ATP8A2: variants seen among roughly 807,000 people sequenced by gnomAD.
ATP8A2 encodes phospholipid-transporting ATPase IB.
Under a neutral mutation model 165.6 loss-of-function variants are expected in ATP8A2, and 100 were observed. The observed-to-expected ratio is 0.60, with a 90% CI of 0.51 to 0.71. The LOEUF is 0.71. Among genes scored for constraint, ATP8A2 ranks in the 30% least tolerant of loss-of-function variants. ATP8A2 has a pLI of 0.00. For missense variants in ATP8A2, 1,227 were observed against 1,479.5 expected (o/e 0.83, Z 2.80); for synonymous variants, 543 against 548.8 (o/e 0.99, Z 0.15).
At chr13:25,526,350 C>T (rs1181642193) in intron 2 of ATP8A2, among the ~76,000 whole-genome samples, 1 of 152,124 alleles carries the variant, frequency 6.6e-6, no homozygotes, top group Non-Finnish European at 1.5e-5. Flanking sequence ...CTGTTTGCTG[C>T]TGTCACTTAT....
At chr13:25,444,136 C>G (rs1454120509) in intron 1 of ATP8A2, among the ~76,000 whole-genome samples, 1 of 152,194 alleles carries the variant, frequency 6.6e-6, no homozygotes, top group African/African-American at 2.4e-5. Flanking sequence ...TCTGATTTTT[C>G]TCATCCATAG....
intron 15 of ATP8A2, among the ~76,000 whole-genome samples, chr13:25,561,128 G>C (rs1393243476): frequency 6.6e-6 from 1 of 152,064 alleles, no homozygotes; most frequent in Non-Finnish European, 1.5e-5. Context: ...CTCGTGATCT[G>C]CCTGTCTCGG....
chr13:25,980,127 C>T (rs1432033959), intron 35 of ATP8A2, among the ~76,000 whole-genome samples: 3 of 152,180 alleles, frequency 2.0e-5, no homozygotes, highest in Admixed American at 2.0e-4. Flanking sequence ...CAAGACCTGT[C>T]TGTTGTGACT....
At chr13:25,858,224 T>G (rs1952228950) in intron 30 of ATP8A2, among the ~76,000 whole-genome samples, 1 of 152,244 alleles carries the variant, frequency 6.6e-6, no homozygotes, top group Non-Finnish European at 1.5e-5. Context: ...CAATTTTGAG[T>G]AACTATTTGC....
At chr13:25,405,499 G>A (rs987802772) in intron 1 of ATP8A2, among the ~76,000 whole-genome samples, 2 of 152,138 alleles carry the variant, frequency 1.3e-5, no homozygotes, top group African/African-American at 4.8e-5. Context: ...CTCCCAGCAG[G>A]TGTATCCTCC....
intron 33 of ATP8A2, among the ~76,000 whole-genome samples, chr13:25,865,340 G>A (rs945854799): frequency 6.6e-6 from 1 of 152,148 alleles, no homozygotes; most frequent in Non-Finnish European, 1.5e-5. Context: ...CTAAACAGTA[G>A]GTTTTTGGCA....
chr13:25,828,476 T>G (rs1951375782), intron 28 of ATP8A2, among the ~76,000 whole-genome samples: 1 of 152,224 alleles, frequency 6.6e-6, no homozygotes, highest in South Asian at 2.1e-4. Context: ...TACATGCCTG[T>G]GCAACACTTT....
rs186731487 is a variant in ATP8A2 at position 25,563,042 on chromosome 13, G to A, written c.1398-914G>A. ...TGGTTACTGTTTTCTGTGCTGTTACGTATTTCAAGTTAAGACTAACATACA... is the reference window on the plus strand; with the variant it reads ...TGGTTACTGTTTTCTGTGCTGTTACATATTTCAAGTTAAGACTAACATACA... On this transcript the variant is annotated intron_variant, in intron 15 of 36. Coordinates refer to ENST00000381655, the MANE Select transcript of ATP8A2 (RefSeq NM_016529.6). Among the ~76,000 whole-genome samples, 300 of 152,268 alleles carry A rather than the reference G, an allele frequency of 2.0e-3. 2 individuals are homozygous for A. The highest frequency in any genetic ancestry group is 6.3e-3 in the African/African-American group (262 of 41,542).
At chr13:25,673,601 C>G (rs1374648586) in intron 24 of ATP8A2, among the ~76,000 whole-genome samples, 1 of 152,200 alleles carries the variant, frequency 6.6e-6, no homozygotes, top group Non-Finnish European at 1.5e-5. Flanking sequence ...CCTGTCTACG[C>G]TGACTCGTTT....
intron 27 of ATP8A2, among the ~76,000 whole-genome samples, chr13:25,802,279 A>G (rs1388463751): frequency 1.3e-5 from 2 of 152,178 alleles, no homozygotes; most frequent in Non-Finnish European, 2.9e-5. Flanking sequence ...ATTGAGGCTC[A>G]GTTTCTATAC....
intron 33 of ATP8A2, among the ~76,000 whole-genome samples, chr13:25,879,568 G>A (rs1208829022): frequency 6.6e-6 from 1 of 152,196 alleles, no homozygotes; most frequent in African/African-American, 2.4e-5. Flanking sequence ...GCCACCACTG[G>A]ATGTGCACCT....
intron 2 of ATP8A2, among the ~76,000 whole-genome samples, chr13:25,490,230 G>A (rs12869665): frequency 0.27 from 41,772 of 152,208 alleles, 6,846 homozygotes; most frequent in Middle Eastern, 0.4. Context: ...AGAGTTACGG[G>A]AGAGAAACTC....
At chr13:25,497,861 C>G (rs2036726727) in intron 2 of ATP8A2, among the ~76,000 whole-genome samples, 1 of 151,988 alleles carries the variant, frequency 6.6e-6, no homozygotes, top group African/African-American at 2.4e-5. Context: ...ACTCGGGGGG[C>G]TGAGGCAGGA....
At chr13:25,787,739 G>A (rs549292164) in intron 27 of ATP8A2, among the ~76,000 whole-genome samples, 6 of 152,298 alleles carry the variant, frequency 3.9e-5, no homozygotes, top group East Asian at 1.9e-4. Flanking sequence ...GGGCCTCTCC[G>A]GCATAGGTGT....
At chr13:25,405,156 C>T (rs1323273941) in intron 1 of ATP8A2, among the ~76,000 whole-genome samples, 2 of 152,040 alleles carry the variant, frequency 1.3e-5, no homozygotes, top group Non-Finnish European at 2.9e-5. Context: ...TTGATGAGAG[C>T]AGCTCCCTGG....
At chr13:25,868,051 C>T in intron 33 of ATP8A2, 1 of 450,926 alleles carries the variant, frequency 2.2e-6, no homozygotes, top group Non-Finnish European at 4.5e-6. Flanking sequence ...TTCCTGTGTG[C>T]TGCCCGGCCT....
intron 1 of ATP8A2, among the ~76,000 whole-genome samples, chr13:25,394,558 G>C (rs543653074): frequency 7.9e-5 from 12 of 152,324 alleles, no homozygotes. Context: ...GGAGGCGGCA[G>C]AGACCAATTG....
chr13:25,662,394 A>G (rs117909288), intron 24 of ATP8A2, among the ~76,000 whole-genome samples: 3 of 152,304 alleles, frequency 2.0e-5, no homozygotes, highest in Non-Finnish European at 4.4e-5. Context: ...CATGTGGTTG[A>G]TTTAAGCCTA....
chr13:25,598,252 T>C (rs1310711319), intron 24 of ATP8A2, among the ~76,000 whole-genome samples: 2 of 152,212 alleles, frequency 1.3e-5, no homozygotes, highest in African/African-American at 4.8e-5. Flanking sequence ...CAATTCCACA[T>C]TGTCTTCAAT....
Sources: gnomAD v4.1 joint callset for allele counts (sites outside exome capture counted in the v4.1 genomes callset) on GRCh38, gnomAD v4.1.1 for gene constraint, MANE v1.5 for transcripts, NCBI Gene and HGNC (gene_info 2026-07-23, HGNC 2026-07-21) for gene names.